The following CASK variants were observed in gnomAD, a reference collection of about 807,000 sequenced individuals.
The protein encoded by CASK is peripheral plasma membrane protein CASK.
CASK carries 4 observed loss-of-function variants against 82.9 expected under a neutral mutation model. The observed-to-expected ratio is 0.05, with a 90% confidence interval of 0.02 to 0.11. CASK has a LOEUF of 0.11. CASK is among the 10% of genes least tolerant of loss of function. The pLI is 1.00. For synonymous variants in CASK, 259 were observed against 253.5 expected (o/e 1.02, Z -0.20); for missense variants, 358 against 720.9 (o/e 0.50, Z 5.76).
intron 15 of CASK, among the ~76,000 whole-genome samples, chrX:41,577,964 A>G (rs1290014469): frequency 1.8e-5 from 2 of 112,236 alleles, no homozygotes; most frequent in Non-Finnish European, 3.8e-5. Context: ...AAGATTTATA[A>G]AAGGATGATT....
chrX:41,904,276 T>C (rs1328647132), intron 1 of CASK, among the ~76,000 whole-genome samples: 1 of 112,120 alleles, frequency 8.9e-6, no homozygotes, highest in Non-Finnish European at 1.9e-5. Flanking sequence ...TGATCATCTA[T>C]GTAGACTATC....
chrX:41,535,013 A>G (rs41310661), intron 22 of CASK, 40 bp from the exon 23 acceptor site: 3 of 854,144 alleles, frequency 3.5e-6, no homozygotes, highest in Non-Finnish European at 5.1e-6. Context: ...AATTTGTAGA[A>G]TGACTATTTC....
intron 2 of CASK, among the ~76,000 whole-genome samples, chrX:41,810,213 C>G (rs1048650508): frequency 8.9e-6 from 1 of 111,892 alleles, no homozygotes; most frequent in Non-Finnish European, 1.9e-5. Context: ...GGCAGGCCAA[C>G]ATTCAAATTC....
chrX:41,593,040 T>A (rs1005071841), intron 12 of CASK, among the ~76,000 whole-genome samples: 1 of 111,641 alleles, frequency 9.0e-6, no homozygotes, highest in Non-Finnish European at 1.9e-5. Flanking sequence ...TAAATTAAAT[T>A]CAACTCACCT....
chrX:41,840,599 G>C (rs938106024), intron 2 of CASK, among the ~76,000 whole-genome samples: 3 of 111,984 alleles, frequency 2.7e-5, no homozygotes, highest in Non-Finnish European at 5.6e-5. Context: ...GCATTAGCAA[G>C]GGTTTCTGGT....
At chrX:41,814,623 G>T in intron 2 of CASK, among the ~76,000 whole-genome samples, 1 of 107,308 alleles carries the variant, frequency 9.3e-6, no homozygotes, top group Non-Finnish European at 1.9e-5. Flanking sequence ...GATAGCATTA[G>T]GAGATATACC....
chrX:41,759,768 GAA>G (rs1000540978), intron 3 of CASK, among the ~76,000 whole-genome samples: 34 of 111,038 alleles, frequency 3.1e-4, no homozygotes, highest in Non-Finnish European at 4.5e-4. Flanking sequence ...TTGTTTCTTC[GAA>G]AAAAAGACTG....
chrX:41,824,414 C>T (rs1197926372), intron 2 of CASK, among the ~76,000 whole-genome samples: 2 of 112,120 alleles, frequency 1.8e-5, no homozygotes, highest in Non-Finnish European at 3.8e-5. Context: ...CAACATTAAG[C>T]TTTGTCCACT....
At chrX:41,648,632 C>A (rs745758231) in intron 8 of CASK, among the ~76,000 whole-genome samples, 1 of 111,463 alleles carries the variant, frequency 9.0e-6, no homozygotes, top group South Asian at 3.8e-4. Flanking sequence ...ATTTATCATG[C>A]CGGCCGACGC....
intron 12 of CASK, among the ~76,000 whole-genome samples, chrX:41,598,487 G>A (rs2065854053): frequency 9.0e-6 from 1 of 110,753 alleles, no homozygotes; most frequent in Non-Finnish European, 1.9e-5. Context: ...GAGTAGATGG[G>A]ATTACAGGCA....
At chrX:41,844,297 T>C (rs1306717165) in intron 2 of CASK, among the ~76,000 whole-genome samples, 4 of 111,815 alleles carry the variant, frequency 3.6e-5, no homozygotes, top group Non-Finnish European at 7.6e-5. Context: ...ATTATATGAA[T>C]TCTATAAACA....
At chrX:41,655,953 T>A (rs2066932283) in intron 8 of CASK, among the ~76,000 whole-genome samples, 1 of 111,609 alleles carries the variant, frequency 9.0e-6, no homozygotes, top group African/African-American at 3.3e-5. Context: ...AAACCTGGCC[T>A]ATTTATTAAA....
chrX:41,601,049 T>C (rs949083931), intron 12 of CASK, among the ~76,000 whole-genome samples: 1 of 111,366 alleles, frequency 9.0e-6, no homozygotes, highest in Admixed American at 9.6e-5. Flanking sequence ...CCTAGAGTAG[T>C]CAAATTCATA....
chrX:41,559,490 C>A, intron 18 of CASK: 2 of 313,892 alleles, frequency 6.4e-6, no homozygotes. Context: ...TTCCCTCAGA[C>A]ACTCCGTTTT....
chrX:41,695,473 GC>G (rs1215869118), intron 5 of CASK: 1 of 440,394 alleles, frequency 2.3e-6, no homozygotes, highest in Non-Finnish European at 4.0e-6. Flanking sequence ...GTGCTGGGAA[GC>G]CCAGCCTATT....
At chrX:41,746,760 C>T (rs1344606734) in intron 3 of CASK, among the ~76,000 whole-genome samples, 9 of 111,699 alleles carry the variant, frequency 8.1e-5, no homozygotes, top group Admixed American at 3.8e-4. Context: ...AACATACTTC[C>T]TATTCATGAG....
intron 2 of CASK, among the ~76,000 whole-genome samples, chrX:41,811,662 T>A (rs1162187524): frequency 1.0e-5 from 1 of 98,344 alleles, no homozygotes; most frequent in African/African-American, 3.7e-5. Flanking sequence ...GACACCCTAA[T>A]ATCACAATTA....
rs185237015 is a variant in CASK, at chrX:41,625,818, C to T, written c.1015+786G>A. 1.8e-3 allele frequency among the ~76,000 whole-genome samples: 192 copies of T among 109,022 alleles called. 1 individual carries two copies. The highest frequency in any genetic ancestry group is 3.2e-3 in the Non-Finnish European group (166 of 52,312). The allele number at this position is 109,022 out of a possible 115,157, so 94.7% of individuals were successfully genotyped here. ...TTTTTGAGATGGAGTCTCGCATTAT[C>T]GCCCAGGCTGGAGTGCAGTGGCATG... On this transcript the variant is annotated intron_variant, in intron 10 of 26. Transcript: ENST00000378163.
chrX:41,691,287 T>C (rs1431295327), intron 5 of CASK, among the ~76,000 whole-genome samples: 1 of 111,850 alleles, frequency 8.9e-6, no homozygotes, highest in Non-Finnish European at 1.9e-5. Flanking sequence ...TTCTGATGAA[T>C]GATTTGTGAT....
Sources: gnomAD v4.1 joint callset for allele counts (sites outside exome capture counted in the v4.1 genomes callset) on GRCh38, gnomAD v4.1.1 for gene constraint, MANE v1.5 for transcripts, NCBI Gene and HGNC (gene_info 2026-07-23, HGNC 2026-07-21) for gene names.